ACOT7: variants seen among roughly 807,000 people sequenced by gnomAD.
The protein encoded by ACOT7 is cytosolic acyl coenzyme A thioester hydrolase.
In ACOT7, 12 loss-of-function variants were observed where a neutral mutation model predicts 40.2. The observed-to-expected ratio is 0.30, with a 90% CI of 0.19 to 0.48. ACOT7 has a LOEUF of 0.48. ACOT7 is among the 20% of genes least tolerant of loss of function. ACOT7 has a pLI of 0.99. For synonymous variants in ACOT7, 228 were observed against 219.5 expected, an observed-to-expected ratio of 1.04 and a Z score of -0.34; for missense variants, 395 against 530.8, an observed-to-expected ratio of 0.74 and a Z score of 2.51.
chr1:6,337,215 G>T (rs960775262), intron 3 of ACOT7, among the ~76,000 whole-genome samples: 6 of 152,228 alleles, frequency 3.9e-5, no homozygotes, highest in African/African-American at 1.4e-4. Context: ...GAAGGCCGAG[G>T]GCTGTGGTGG....
At position 6,311,565 on chromosome 1, in the gene ACOT7, G is replaced by A. The variant is rs934944893; in HGVS notation, c.712+6927C>T. 1.3e-5 allele frequency among the ~76,000 whole-genome samples: 2 copies of A among 152,154 alleles called. No homozygotes were observed. The highest frequency in any genetic ancestry group is 1.3e-4 in the Admixed American group (2 of 15,284). Reference sequence around the variant, plus strand: ...TCAACTCCCTCCGTCCCCAGCTATTGGGGTCTCTTGTGGTATAATTCAGGG... The same window carrying A: ...TCAACTCCCTCCGTCCCCAGCTATTAGGGTCTCTTGTGGTATAATTCAGGG... On this transcript the variant is annotated intron_variant, in intron 6 of 8. Coordinates refer to ENST00000361521, the MANE Select transcript of ACOT7 (RefSeq NM_007274.4). This position sits in a 1 kb window ranked among gnomAD's most constrained non-coding sequence, Gnocchi z 5.2.
intron 7 of ACOT7, among the ~76,000 whole-genome samples, chr1:6,285,189 C>T (rs1312352542): frequency 6.6e-6 from 1 of 152,212 alleles, no homozygotes; most frequent in Non-Finnish European, 1.5e-5. Context: ...GTGTGGGTCA[C>T]ATGTGGACAC....
intron 1 of ACOT7, among the ~76,000 whole-genome samples, chr1:6,360,221 G>A (rs2148465743): frequency 6.6e-6 from 1 of 152,372 alleles, no homozygotes; most frequent in East Asian, 1.9e-4. Flanking sequence ...TTAATGTCTA[G>A]AAGCCAGCAG....
At chr1:6,360,555 C>T in intron 1 of ACOT7, 1 of 1,614,072 alleles carries the variant, frequency 6.2e-7, no homozygotes, top group Non-Finnish European at 8.5e-7. Context: ...TAGTTCCTCT[C>T]AGCTCCCAAC....
intron 3 of ACOT7, among the ~76,000 whole-genome samples, chr1:6,335,613 A>T (rs2148440432): frequency 6.6e-6 from 1 of 152,180 alleles, no homozygotes; most frequent in Middle Eastern, 3.4e-3. Flanking sequence ...CCTGCCCAAA[A>T]CCCCCAGAGG....
At chr1:6,270,568 G>A (rs1258428469) in intron 8 of ACOT7, among the ~76,000 whole-genome samples, 5 of 152,238 alleles carry the variant, frequency 3.3e-5, no homozygotes, top group African/African-American at 1.2e-4. Context: ...CCTGATGGAA[G>A]GGATGGGGCA....
At chr1:6,318,459 A>T in intron 6 of ACOT7, 33 bp downstream of exon 6, 1 of 1,603,170 alleles carries the variant, frequency 6.2e-7, no homozygotes, top group Non-Finnish European at 8.5e-7. Flanking sequence ...GCCAAGGGAC[A>T]GGAATGGAGT....
Position 6,388,995 on chromosome 1 carries a change from C to T in ACOT7, c.143+4262G>A, listed in dbSNP as rs765355629. Among the ~76,000 whole-genome samples the T allele has an allele frequency of 7.8e-4, 118 of 150,714 alleles. 1 individual carries two copies. The highest frequency in any genetic ancestry group is 2.2e-3 in the African/African-American group (90 of 40,954). On this transcript the variant is annotated intron_variant, in intron 1 of 8. Coordinates refer to ENST00000361521, the MANE Select transcript of ACOT7 (RefSeq NM_007274.4). ...GGCGGAGCTTGCAGTGAGCCGAGAT[C>T]GCGCCACTGCACTCCAGCCTGGGCA...
intron 1 of ACOT7, among the ~76,000 whole-genome samples, chr1:6,365,399 C>G (rs910153946): frequency 6.6e-6 from 1 of 151,932 alleles, no homozygotes; most frequent in Non-Finnish European, 1.5e-5. Context: ...TCCCAGTGCA[C>G]GTAAAAGTTA....
chr1:6,321,732 G>GA (rs1198839924), intron 5 of ACOT7, among the ~76,000 whole-genome samples: 2 of 152,194 alleles, frequency 1.3e-5, no homozygotes, highest in Non-Finnish European at 2.9e-5. Context: ...TGAATCTCCT[G>GA]ACCTCGTGAT....
At chr1:6,387,352 T>C (rs2148483943) in intron 1 of ACOT7, among the ~76,000 whole-genome samples, 1 of 152,118 alleles carries the variant, frequency 6.6e-6, no homozygotes, top group East Asian at 1.9e-4. Flanking sequence ...AAAACAATTA[T>C]CCTACCTTAA....
intron 8 of ACOT7, 101 bp from the exon 9 acceptor site, chr1:6,264,796 T>C (rs1423674147): frequency 8.0e-7 from 1 of 1,253,046 alleles, no homozygotes; most frequent in South Asian, 1.4e-5. Context: ...CCGTGGGATC[T>C]GCCCCACCCC....
Position 6,282,556 on chromosome 1 carries a change from G to T in ACOT7, c.830-1270C>A, listed in dbSNP as rs141498937. On this transcript the variant is annotated intron_variant, in intron 7 of 8. Transcript: ENST00000361521. The surrounding 1 kb of genome is among the most constrained non-coding windows in gnomAD (Gnocchi z 4.5). ...TAATGTGGCCTCTGGAACCCCCAGT[G>T]TCCTAGCTGCACCGAGACCAGCCTC... is the stretch of plus-strand genomic sequence containing the variant. Among the ~76,000 whole-genome samples the T allele has an allele frequency of 4.0e-3, 613 of 152,284 alleles. 4 individuals carry two copies. The highest frequency in any genetic ancestry group is 0.014 in the African/African-American group (594 of 41,570).
chr1:6,360,847 T>C (rs901866911), intron 1 of ACOT7: 20 of 1,160,084 alleles, frequency 1.7e-5, no homozygotes, highest in Middle Eastern at 5.8e-4. Flanking sequence ...CCCAAATCAG[T>C]GAGGACCTAC....
intron 1 of ACOT7, among the ~76,000 whole-genome samples, chr1:6,378,161 C>T (rs1456041047): frequency 1.4e-5 from 2 of 147,272 alleles, no homozygotes; most frequent in Admixed American, 6.6e-5. Flanking sequence ...AAATTAATTC[C>T]ACCAGAGCAG....
Position 6,339,458 on chromosome 1 carries a change from G to C in ACOT7, c.393C>G (p.Asn131Lys). 1 of 1,613,648 alleles carries C rather than the reference G, an allele frequency of 6.2e-7. No individual in the cohort carries two copies. Among genetic ancestry groups the C allele is most frequent in the South Asian group, 1.1e-5 (1 of 91,074 alleles). Reference protein sequence around the residue: ...TSKHSVEVQVNVMSENILTGA... With the variant: ...TSKHSVEVQVKVMSENILTGA... ...CTGTGAGGATGTTTTCGGACATCACGTTGACCTGCACCTCCACAGAGTGCT... is the reference window on the plus strand; with the variant it reads ...CTGTGAGGATGTTTTCGGACATCACCTTGACCTGCACCTCCACAGAGTGCT... The change falls in exon 3 of 9, where the codon AAC becomes AAG. Residue 131 changes from asparagine (N) to lysine (K), a missense_variant. Physicochemically the swap from Asn to Lys is moderately conservative, Grantham distance 94. Around this residue, in one of 2 missense-constraint regions of ACOT7, gnomAD observed 309 missense variants for 470.3 expected, o/e 0.66. Transcript: ENST00000361521.
chr1:6,385,429 C>T, intron 1 of ACOT7: 1 of 1,547,154 alleles, frequency 6.5e-7, no homozygotes, highest in African/African-American at 1.3e-5. Flanking sequence ...GGCCCAAGGC[C>T]CTGGCTGCCC....
chr1:6,306,145 T>C lies in ACOT7; in HGVS notation c.713-11165A>G. On this transcript the variant is annotated intron_variant, in intron 6 of 8. Transcript: ENST00000361521. This position sits in a 1 kb window ranked among gnomAD's most constrained non-coding sequence, Gnocchi z 4.3. ...GTGAGCCAAGATGGCAGCAGCACAG[T>C]CCAGCTTCGGCTCGGCATCAGAGGG... 1 of 714,724 alleles carries C rather than the reference T, an allele frequency of 1.4e-6. No homozygotes were observed. Among genetic ancestry groups the C allele is most frequent in the Non-Finnish European group, 1.7e-6 (1 of 587,864 alleles). The allele number at this position is 714,724 out of a possible 1,614,324, so 44.3% of individuals were successfully genotyped here.
chr1:6,265,052 T>A (rs1571249876), intron 8 of ACOT7, among the ~76,000 whole-genome samples: 2 of 152,210 alleles, frequency 1.3e-5, no homozygotes, highest in East Asian at 3.8e-4. Context: ...CTCACCACCT[T>A]TCACAGCAGG....
Sources: gnomAD v4.1 joint callset for allele counts (sites outside exome capture counted in the v4.1 genomes callset) on GRCh38, gnomAD v4.1.1 for gene constraint, gnomAD v4.1.1 regional missense constraint, Gnocchi (gnomAD v3.1) non-coding constraint, MANE v1.5 for transcripts, NCBI Gene and HGNC (gene_info 2026-07-23, HGNC 2026-07-21) for gene names.